The following SLC30A10 variants were observed in gnomAD, a reference collection of about 807,000 sequenced individuals.
The protein encoded by SLC30A10 is solute carrier family 30 member 10, also known as calcium/manganese antiporter SLC30A10.
SLC30A10 carries 8 observed loss-of-function variants against 21.7 expected under a neutral mutation model. That is an observed-to-expected ratio of 0.37 (90% CI 0.22 to 0.67). SLC30A10 has a LOEUF of 0.67. Ranked by LOEUF, SLC30A10 falls within the 30% of genes least tolerant of loss-of-function variation. SLC30A10 has a pLI of 0.58. For synonymous variants in SLC30A10, 272 were observed against 279.4 expected, an observed-to-expected ratio of 0.97 and a Z score of 0.26; for missense variants, 521 against 642.5, an observed-to-expected ratio of 0.81 and a Z score of 2.04.
chr1:219,928,645 G>T (rs1198484121), upstream of SLC30A10: 3 of 509,828 alleles, frequency 5.9e-6, no homozygotes, highest in African/African-American at 4.1e-5. The surrounding 1 kb of genome is among the most constrained non-coding windows in gnomAD (Gnocchi z 6.3). Context: ...GGAGTGGCGG[G>T]GGCAGTATCT....
chr1:219,924,377 G>A (rs1659766305), intron 2 of SLC30A10, among the ~76,000 whole-genome samples: 1 of 152,128 alleles, frequency 6.6e-6, no homozygotes, highest in Admixed American at 6.6e-5. Flanking sequence ...CTATGAGCTG[G>A]GGTGACTTGG....
upstream of SLC30A10, among the ~76,000 whole-genome samples, chr1:219,932,705 C>CTTTTTT (rs58052957): frequency 7.7e-5 from 5 of 64,912 alleles, 1 homozygote; most frequent in Non-Finnish European, 9.8e-5. Context: ...AGTAACCATT[C>CTTTTTT]TTTTTTTTTT....
At chr1:219,949,721 G>A (rs560451625) in intron 1 of SLC30A10, among the ~76,000 whole-genome samples, 65 of 151,070 alleles carry the variant, frequency 4.3e-4, no homozygotes, top group Non-Finnish European at 7.1e-4. Flanking sequence ...TGCACATTGT[G>A]CACATGTACC....
intron 2 of SLC30A10, among the ~76,000 whole-genome samples, chr1:219,925,651 A>ATATATATATATATATATATATTTT (rs1317554458): frequency 8.3e-5 from 4 of 48,284 alleles, no homozygotes; most frequent in South Asian, 1.0e-3. Flanking sequence ...ATATATATAT[A>ATATATATATATATATATATATTTT]TTTTTTTTTT....
At position 219,911,173 on chromosome 1, in the gene SLC30A10, T is replaced by TTTTTTTTTTTTTTTTTTTTC. The variant is rs1659408967; in HGVS notation, c.*4275_*4276insGAAAAAAAAAAAAAAAAAAA. ...AGTTTTTTTTTTTTTTTTTTTTTTT[T>TTTTTTTTTTTTTTTTTTTTC]TGCAGTCTTTTACTACAGGAATGTG... On this transcript the variant is annotated 3_prime_UTR_variant, in exon 4 of 4. Coordinates refer to ENST00000366926, the MANE Select transcript of SLC30A10 (RefSeq NM_018713.3). Among the ~76,000 whole-genome samples the TTTTTTTTTTTTTTTTTTTTC allele has an allele frequency of 7.1e-6, 1 of 140,014 alleles. No homozygotes were observed. The highest frequency in any genetic ancestry group is 1.5e-5 in the Non-Finnish European group (1 of 65,168). 91.9% of individuals were successfully genotyped at this position (140,014 alleles called of 152,430 possible). A position where few individuals can be genotyped will look rare whatever the true frequency, so the allele number is the denominator to read the frequency against.
chr1:219,935,544 G>A (rs1160009735), intron 1 of SLC30A10, among the ~76,000 whole-genome samples: 1 of 152,250 alleles, frequency 6.6e-6, no homozygotes, highest in Non-Finnish European at 1.5e-5. Flanking sequence ...CTCTTCGCAA[G>A]TGAGCAAGTC....
rs899807143 is a variant in SLC30A10 at position 219,911,543 on chromosome 1, C to T, written c.*3906G>A. On this transcript the variant is annotated 3_prime_UTR_variant, in exon 4 of 4. Coordinates refer to ENST00000366926, the MANE Select transcript of SLC30A10 (RefSeq NM_018713.3). ...CAGCACAGAAGAGTGAGACCAAATG[C>T]TTTTTCTTCATTTCATTTACTGTTA... is the stretch of plus-strand genomic sequence containing the variant. Among the ~76,000 whole-genome samples the T allele has an allele frequency of 6.6e-6, 1 of 152,016 alleles. No homozygotes were observed. The highest frequency in any genetic ancestry group is 2.4e-5 in the African/African-American group (1 of 41,378).
chr1:219,956,460 A>G lies in SLC30A10; in HGVS notation n.80+2108T>C, dbSNP rs75121466. 6.0e-4 allele frequency among the ~76,000 whole-genome samples: 91 copies of G among 151,944 alleles called. 1 individual carries two copies. The East Asian group carries it at 0.013, about 21-fold the overall frequency. On this transcript the variant is annotated intron_variant and non_coding_transcript_variant, in intron 1 of 8. Transcript: ENST00000484239. ...ACCTATCACTTATTTAAACTAGAAC[A>G]CTATATAGCATCAAATACTTCAAAA... is the stretch of plus-strand genomic sequence containing the variant.
chr1:219,927,715 A>G, intron 1 of SLC30A10, 86 bp downstream of exon 1: 2 of 1,229,334 alleles, frequency 1.6e-6, no homozygotes, highest in South Asian at 2.4e-5. Context: ...TGCAGAAGAA[A>G]AAGAGGGCGT....
intron 2 of SLC30A10, among the ~76,000 whole-genome samples, chr1:219,922,856 T>C (rs1402697446): frequency 6.6e-6 from 1 of 152,182 alleles, no homozygotes; most frequent in Non-Finnish European, 1.5e-5. Context: ...CTCCATTATA[T>C]AGATGACGGG....
intron 3 of SLC30A10, 94 bp from the exon 4 acceptor site, chr1:219,916,042 CA>C: frequency 6.8e-7 from 1 of 1,475,204 alleles, no homozygotes; most frequent in Non-Finnish European, 9.1e-7. Context: ...GCATTCTCAC[CA>C]AAATGGCTGC....
At chr1:219,951,979 A>G (rs1660278673) in intron 1 of SLC30A10, among the ~76,000 whole-genome samples, 1 of 152,100 alleles carries the variant, frequency 6.6e-6, no homozygotes, top group South Asian at 2.1e-4. Context: ...CATCAAAACA[A>G]CACATGTTTT....
At chr1:219,951,278 A>G (rs574160499) in intron 1 of SLC30A10, among the ~76,000 whole-genome samples, 1 of 151,732 alleles carries the variant, frequency 6.6e-6, no homozygotes, top group Non-Finnish European at 1.5e-5. Context: ...GATTCTTTAA[A>G]ATAGGTGTAA....
At position 219,910,870 on chromosome 1, in the gene SLC30A10, G is replaced by C. The variant is rs750297665; in HGVS notation, c.*4579C>G. ...AAAACACATGAAAAGAGAAGCACCA[G>C]AAAATGACTCGTCTGCATTATCTAA... On this transcript the variant is annotated 3_prime_UTR_variant, in exon 4 of 4. Transcript: ENST00000366926. Among the ~76,000 whole-genome samples, 1 of 152,172 alleles carries C rather than the reference G, an allele frequency of 6.6e-6. No homozygotes were observed. Among genetic ancestry groups the C allele is most frequent in the Admixed American group, 6.6e-5 (1 of 15,264 alleles).
chr1:219,928,695 C>A, upstream of SLC30A10: 1 of 420,650 alleles, frequency 2.4e-6, no homozygotes. This position sits in a 1 kb window ranked among gnomAD's most constrained non-coding sequence, Gnocchi z 6.3. Flanking sequence ...CTTTTCCCCT[C>A]CCTCGCGGCC....
intron 1 of SLC30A10, among the ~76,000 whole-genome samples, chr1:219,934,157 G>A (rs1420473491): frequency 2.6e-5 from 4 of 152,180 alleles, no homozygotes; most frequent in African/African-American, 9.7e-5. Context: ...GCGTGGTGGT[G>A]GGCACCTGTA....
At chr1:219,917,928 G>T (rs1395364548) in intron 3 of SLC30A10, among the ~76,000 whole-genome samples, 3 of 151,998 alleles carry the variant, frequency 2.0e-5, no homozygotes, top group Non-Finnish European at 2.9e-5. Flanking sequence ...GGTCAGTCTG[G>T]TCTTGAACTT....
chr1:219,942,872 C>T (rs1375968926), intron 1 of SLC30A10, among the ~76,000 whole-genome samples: 1 of 152,064 alleles, frequency 6.6e-6, no homozygotes, highest in Non-Finnish European at 1.5e-5. Context: ...TGATAAAACC[C>T]CATCTCTACT....
At chr1:219,942,527 G>T (rs1280712011) in intron 1 of SLC30A10, among the ~76,000 whole-genome samples, 2 of 152,230 alleles carry the variant, frequency 1.3e-5, no homozygotes, top group African/African-American at 4.8e-5. Context: ...CCCATGGGAA[G>T]TTGAAACTAT....
Sources: gnomAD v4.1 joint callset for allele counts (sites outside exome capture counted in the v4.1 genomes callset) on GRCh38, gnomAD v4.1.1 for gene constraint, Gnocchi (gnomAD v3.1) non-coding constraint, MANE v1.5 for transcripts, NCBI Gene and HGNC (gene_info 2026-07-23, HGNC 2026-07-21) for gene names.